TIAM2: variants seen among roughly 807,000 people sequenced by gnomAD.
TIAM2 encodes the protein rho guanine nucleotide exchange factor TIAM2.
Under a neutral mutation model 152.9 loss-of-function variants are expected in TIAM2, and 80 were observed. The observed-to-expected ratio is 0.52, with a 90% CI of 0.44 to 0.63. TIAM2 has a LOEUF of 0.63. Ranked by LOEUF, TIAM2 falls within the 30% of genes least tolerant of loss-of-function variation. The probability of loss-of-function intolerance (pLI) is 0.00; values close to 1 mark genes in which losing one functional copy is unlikely to be tolerated. For missense variants in TIAM2, 1,965 were observed against 2,120.1 expected (o/e 0.93, Z 1.44); for synonymous variants, 804 against 838.0 (o/e 0.96, Z 0.70).
intron 21 of TIAM2, among the ~76,000 whole-genome samples, chr6:155,250,303 T>C (rs1331366715): frequency 5.3e-4 from 80 of 151,480 alleles, no homozygotes; most frequent in Non-Finnish European, 1.8e-4. Context: ...TTTTTTTTTT[T>C]TTTTTTTAAC....
At chr6:155,202,883 C>CA (rs36086677) in intron 14 of TIAM2, among the ~76,000 whole-genome samples, 2,175 of 109,122 alleles carry the variant, frequency 0.02, 16 homozygotes, top group African/African-American at 0.023. Context: ...ACTAAAAATA[C>CA]AAAAAAAAAA....
intron 1 of TIAM2, among the ~76,000 whole-genome samples, chr6:154,999,783 A>G (rs941383870): frequency 1.3e-5 from 2 of 151,788 alleles, no homozygotes; most frequent in South Asian, 2.1e-4. Flanking sequence ...GGTTCAAGCA[A>G]TTCTCCTGCC....
intron 15 of TIAM2, among the ~76,000 whole-genome samples, chr6:155,229,371 C>T (rs114601875): frequency 6.6e-6 from 1 of 152,124 alleles, no homozygotes; most frequent in Admixed American, 6.5e-5. Flanking sequence ...ATGCCCTGTG[C>T]AAATTATAAC....
intron 1 of TIAM2, among the ~76,000 whole-genome samples, chr6:155,000,272 C>T (rs1483339590): frequency 2.0e-5 from 3 of 152,098 alleles, no homozygotes; most frequent in Admixed American, 2.0e-4. Flanking sequence ...CGGTGGCTCA[C>T]GCCTATAATC....
chr6:155,127,656 G>A (rs1468490623), intron 3 of TIAM2, 56 bp downstream of exon 3: 3 of 451,732 alleles, frequency 6.6e-6, no homozygotes, highest in Non-Finnish European at 1.3e-5. Flanking sequence ...TGTGATTAAG[G>A]TAATAAGTAA....
rs1781807410 is a variant in TIAM2 at position 155,214,582 on chromosome 6, G to A, written c.3168+3275G>A. Among the ~76,000 whole-genome samples the A allele has an allele frequency of 6.6e-6, 1 of 152,132 alleles. No individual in the cohort carries two copies. Among genetic ancestry groups the A allele is most frequent in the Non-Finnish European group, 1.5e-5 (1 of 68,032 alleles). Reference sequence around the variant, plus strand: ...ATTCCTCATGCAAAGCAAATGCTCAGCTGCCTTCGCTGGCCTGGTTATGTC... The same window carrying A: ...ATTCCTCATGCAAAGCAAATGCTCAACTGCCTTCGCTGGCCTGGTTATGTC... On this transcript the variant is annotated intron_variant, in intron 15 of 26. Coordinates refer to ENST00000682666, the MANE Select transcript of TIAM2 (RefSeq NM_012454.4). The surrounding 1 kb of genome is among the most constrained non-coding windows in gnomAD (Gnocchi z 5.4).
chr6:155,009,344 T>C (rs4870341), intron 1 of TIAM2, among the ~76,000 whole-genome samples: 23,480 of 151,888 alleles, frequency 0.15, 1,832 homozygotes, highest in Middle Eastern at 0.19. Flanking sequence ...TCAGGTGGTC[T>C]GCCTGGCTTG....
intron 1 of TIAM2, among the ~76,000 whole-genome samples, chr6:155,071,722 C>T (rs1777841783): frequency 1.3e-5 from 2 of 152,056 alleles, no homozygotes; most frequent in Admixed American, 1.3e-4. Flanking sequence ...TGGTGAAACC[C>T]CATCTCTACT....
At chr6:155,153,559 A>G (rs1245919202) in intron 7 of TIAM2, among the ~76,000 whole-genome samples, 3 of 147,930 alleles carry the variant, frequency 2.0e-5, no homozygotes, top group Non-Finnish European at 4.4e-5. Context: ...AGCCTGAGTT[A>G]TGTTTGCTGT....
chr6:155,239,227 A>C (rs1354126747), intron 15 of TIAM2, among the ~76,000 whole-genome samples: 3 of 152,224 alleles, frequency 2.0e-5, no homozygotes, highest in Admixed American at 6.5e-5. Flanking sequence ...TGAAAAAAGG[A>C]GAGTTTTTTA....
intron 26 of TIAM2, chr6:155,255,108 A>AT (rs1783916880): frequency 6.5e-6 from 1 of 153,568 alleles, no homozygotes; most frequent in East Asian, 1.9e-4. Flanking sequence ...ACACTTAATT[A>AT]TAAAACAGGC....
intron 2 of TIAM2, among the ~76,000 whole-genome samples, chr6:155,094,741 T>G (rs975691860): frequency 2.0e-5 from 3 of 150,960 alleles, no homozygotes; most frequent in Non-Finnish European, 4.4e-5. Context: ...TTTTTTTGTT[T>G]TTTTGTTTTT....
At chr6:154,998,937 A>C (rs779181363) in intron 1 of TIAM2, among the ~76,000 whole-genome samples, 10 of 148,090 alleles carry the variant, frequency 6.8e-5, no homozygotes, top group Non-Finnish European at 1.0e-4. Context: ...TCTCAGGGAA[A>C]GAAAAGATTT....
chr6:155,161,681 C>T (rs1780275312), intron 7 of TIAM2, among the ~76,000 whole-genome samples: 1 of 151,640 alleles, frequency 6.6e-6, no homozygotes, highest in Non-Finnish European at 1.5e-5. Context: ...AATTCTCCTG[C>T]CTCAGCTTCC....
chr6:155,108,667 GT>G (rs1308538360), intron 2 of TIAM2, among the ~76,000 whole-genome samples: 2 of 152,108 alleles, frequency 1.3e-5, no homozygotes, highest in Non-Finnish European at 2.9e-5. Context: ...CGAGATAAGC[GT>G]TAGGCTCCTT....
chr6:155,012,137 C>T (rs912856726), intron 1 of TIAM2, among the ~76,000 whole-genome samples: 1 of 152,176 alleles, frequency 6.6e-6, no homozygotes, highest in African/African-American at 2.4e-5. Flanking sequence ...ATAGAGCCTA[C>T]AATTTCAAAG....
Position 155,250,968 on chromosome 6 carries a change from A to C in TIAM2, c.4007A>C (p.Asn1336Thr). ...LLMHSTVSWL[N>T]PFLSLGKARK... Reference sequence around the variant, plus strand: ...ATGCACTCTACGGTTTCCTGGTTGAATCCATTTCTGTCTCTAGGAAAAGCT... The same window carrying C: ...ATGCACTCTACGGTTTCCTGGTTGACTCCATTTCTGTCTCTAGGAAAAGCT... Residue 1336 changes from asparagine to threonine, a missense_variant, in exon 22 of 27, where the codon AAT (asparagine) becomes ACT (threonine). By Grantham distance (65) the Asn-to-Thr change is moderately conservative. Transcript: ENST00000682666. 6.2e-7 allele frequency: 1 copy of C among 1,614,182 alleles called. No homozygotes were observed. The highest frequency in any genetic ancestry group is 8.5e-7 in the Non-Finnish European group (1 of 1,180,042).
chr6:155,041,620 CTTTGA>C (rs1297531193), intron 1 of TIAM2, among the ~76,000 whole-genome samples: 1 of 151,156 alleles, frequency 6.6e-6, no homozygotes, highest in Non-Finnish European at 1.5e-5. Flanking sequence ...CATGTCACAG[CTTTGA>C]TTTGATCACA....
chr6:155,099,218 ATATGTG>A (rs745686005), intron 2 of TIAM2, among the ~76,000 whole-genome samples: 87 of 57,710 alleles, frequency 1.5e-3, no homozygotes, highest in African/African-American at 4.3e-3. Context: ...GTGTATATAT[ATATGTG>A]TGTGTGTGTG....
Sources: gnomAD v4.1 joint callset for allele counts (sites outside exome capture counted in the v4.1 genomes callset) on GRCh38, gnomAD v4.1.1 for gene constraint, Gnocchi (gnomAD v3.1) non-coding constraint, MANE v1.5 for transcripts, NCBI Gene and HGNC (gene_info 2026-07-23, HGNC 2026-07-21) for gene names.